Variants in CNTN4 observed in about 807,000 individuals in gnomAD.
CNTN4 encodes the protein contactin 4, also known as contactin-4.
Under a neutral mutation model 122.5 loss-of-function variants are expected in CNTN4, and 77 were observed. The observed-to-expected ratio is 0.63, with a 90% CI of 0.52 to 0.76. The LOEUF is 0.76. Among genes scored for constraint, CNTN4 ranks in the 30% least tolerant of loss-of-function variants. The pLI is 0.00. For missense variants in CNTN4, 1,256 were observed against 1,259.1 expected, an observed-to-expected ratio of 1.00 and a Z score of 0.04; for synonymous variants, 512 against 447.0, an observed-to-expected ratio of 1.15 and a Z score of -1.83.
chr3:2,863,825 T>G (rs2093695460), intron 7 of CNTN4, among the ~76,000 whole-genome samples: 1 of 152,180 alleles, frequency 6.6e-6, no homozygotes, highest in Non-Finnish European at 1.5e-5. Context: ...CCGTTTTACT[T>G]TGTTTAATCC....
intron 2 of CNTN4, among the ~76,000 whole-genome samples, chr3:2,304,725 CAGA>C (rs1575324483): frequency 6.6e-6 from 1 of 151,260 alleles, no homozygotes; most frequent in East Asian, 2.0e-4. Context: ...AGCAGATAAA[CAGA>C]AGGAGCTTTC....
chr3:2,423,319 A>G (rs1025548909), intron 3 of CNTN4, among the ~76,000 whole-genome samples: 26 of 152,134 alleles, frequency 1.7e-4, no homozygotes, highest in Admixed American at 1.6e-3. Flanking sequence ...CACACGCTCC[A>G]TTTATTCATT....
intron 2 of CNTN4, among the ~76,000 whole-genome samples, chr3:2,230,631 C>T (rs553510490): frequency 1.3e-5 from 2 of 152,092 alleles, no homozygotes; most frequent in African/African-American, 4.8e-5. Flanking sequence ...TACAAAAGAA[C>T]ACATGTCATA....
At chr3:2,292,163 C>T (rs2042158538) in intron 2 of CNTN4, among the ~76,000 whole-genome samples, 1 of 152,204 alleles carries the variant, frequency 6.6e-6, no homozygotes, top group African/African-American at 2.4e-5. Context: ...ATTGTCACTT[C>T]TACGGCACTT....
chr3:2,985,020 G>T (rs536376932), intron 13 of CNTN4, among the ~76,000 whole-genome samples: 2 of 152,352 alleles, frequency 1.3e-5, no homozygotes, highest in South Asian at 4.1e-4. Context: ...TGAGGTATCA[G>T]ATGGTCTTTA....
intron 4 of CNTN4, among the ~76,000 whole-genome samples, chr3:2,586,571 G>A (rs1002999303): frequency 1.6e-4 from 24 of 152,104 alleles, no homozygotes; most frequent in Non-Finnish European, 7.4e-5. Flanking sequence ...GATTACAGGC[G>A]TGAGCCACCG....
At chr3:3,043,818 C>A in intron 23 of CNTN4, 114 bp downstream of exon 23, 1 of 754,584 alleles carries the variant, frequency 1.3e-6, no homozygotes, top group African/African-American at 1.7e-5. Flanking sequence ...GCTCTCCTAC[C>A]CTCTAGGAAT....
At chr3:2,869,627 A>G (rs1216032130) in intron 8 of CNTN4, among the ~76,000 whole-genome samples, 1 of 152,186 alleles carries the variant, frequency 6.6e-6, no homozygotes, top group African/African-American at 2.4e-5. Context: ...TTTTTTGGCC[A>G]TCTTTCTATA....
intron 2 of CNTN4, among the ~76,000 whole-genome samples, chr3:2,243,766 C>T (rs1254272412): frequency 6.6e-6 from 1 of 151,938 alleles, no homozygotes; most frequent in Non-Finnish European, 1.5e-5. Flanking sequence ...TCCTTGAAAC[C>T]TTTAGTATTT....
At chr3:2,778,555 A>G (rs1313838101) in intron 6 of CNTN4, among the ~76,000 whole-genome samples, 1 of 152,218 alleles carries the variant, frequency 6.6e-6, no homozygotes, top group Non-Finnish European at 1.5e-5. Flanking sequence ...ATTCATTATA[A>G]AAATTTTAAT....
chr3:2,577,760 C>A (rs573152202), intron 4 of CNTN4, among the ~76,000 whole-genome samples: 42 of 152,272 alleles, frequency 2.8e-4, no homozygotes, highest in Non-Finnish European at 4.0e-4. Context: ...AATGGCTGCT[C>A]CATATGTTTA....
chr3:2,612,196 T>G (rs2081527800), intron 4 of CNTN4, among the ~76,000 whole-genome samples: 1 of 151,904 alleles, frequency 6.6e-6, no homozygotes, highest in Non-Finnish European at 1.5e-5. Context: ...AAACCCATCA[T>G]AAGTTAAAAA....
At chr3:2,593,260 C>G (rs2080588612) in intron 4 of CNTN4, among the ~76,000 whole-genome samples, 1 of 152,172 alleles carries the variant, frequency 6.6e-6, no homozygotes, top group Non-Finnish European at 1.5e-5. Flanking sequence ...GCTAATAAGT[C>G]AATGTCAGGA....
intron 14 of CNTN4, among the ~76,000 whole-genome samples, chr3:2,993,045 T>C (rs1695195488): frequency 6.6e-6 from 1 of 152,170 alleles, no homozygotes; most frequent in Non-Finnish European, 1.5e-5. Flanking sequence ...GGTTTCACAC[T>C]ATGCTCTGTG....
At chr3:2,519,668 G>C (rs763639143) in intron 3 of CNTN4, among the ~76,000 whole-genome samples, 1 of 152,196 alleles carries the variant, frequency 6.6e-6, no homozygotes, top group Non-Finnish European at 1.5e-5. Context: ...TGTAAAGAAC[G>C]GTGCATCAGG....
intron 13 of CNTN4, among the ~76,000 whole-genome samples, chr3:2,955,969 A>G (rs2094795411): frequency 6.6e-6 from 1 of 152,170 alleles, no homozygotes; most frequent in South Asian, 2.1e-4. Flanking sequence ...AAAAGCAAGG[A>G]CTCAGCTAGA....
At chr3:2,268,113 A>G (rs1305213157) in intron 2 of CNTN4, among the ~76,000 whole-genome samples, 1 of 152,110 alleles carries the variant, frequency 6.6e-6, no homozygotes, top group African/African-American at 2.4e-5. Context: ...TATCTGCTCA[A>G]TATACTTTGC....
At chr3:2,876,923 T>A (rs2093851231) in intron 8 of CNTN4, among the ~76,000 whole-genome samples, 1 of 152,200 alleles carries the variant, frequency 6.6e-6, no homozygotes, top group Non-Finnish European at 1.5e-5. Flanking sequence ...GGAAAGTTGT[T>A]CTTAAAGTGT....
At chr3:2,281,973 C>T (rs1490761919) in intron 2 of CNTN4, among the ~76,000 whole-genome samples, 2 of 152,092 alleles carry the variant, frequency 1.3e-5, no homozygotes, top group African/African-American at 4.8e-5. Flanking sequence ...TTCACATTTT[C>T]TCCAATAGCC....
Sources: gnomAD v4.1 joint callset for allele counts (sites outside exome capture counted in the v4.1 genomes callset) on GRCh38, gnomAD v4.1.1 for gene constraint, MANE v1.5 for transcripts, NCBI Gene and HGNC (gene_info 2026-07-23, HGNC 2026-07-21) for gene names.